Variants in STARD13 observed in about 807,000 individuals in gnomAD.
The protein encoded by STARD13 is StAR related lipid transfer domain containing 13.
A neutral mutation model predicts 106.4 loss-of-function variants in STARD13; 62 were observed. The ratio of observed to expected loss-of-function variants is 0.58; its 90% CI spans 0.48 to 0.72. STARD13 has a LOEUF of 0.72. STARD13 is among the 30% of genes least tolerant of loss of function. STARD13 has a pLI of 0.00. For missense variants in STARD13, 1,387 were observed against 1,424.0 expected, an observed-to-expected ratio of 0.97 and a Z score of 0.42; for synonymous variants, 565 against 553.0, an observed-to-expected ratio of 1.02 and a Z score of -0.31.
intron 3 of STARD13, among the ~76,000 whole-genome samples, chr13:33,156,576 AT>A (rs747161314): frequency 6.6e-6 from 1 of 152,174 alleles, no homozygotes; most frequent in Non-Finnish European, 1.5e-5. Context: ...TGTCTGGGTA[AT>A]TCCTACTACC....
chr13:33,259,943 C>T (rs560508661), intron 1 of STARD13, among the ~76,000 whole-genome samples: 2 of 147,584 alleles, frequency 1.4e-5, no homozygotes, highest in African/African-American at 2.5e-5. Context: ...TTGCAGTGAG[C>T]CGAGATCGTG....
At chr13:33,388,756 C>G in the STARD13 span, among the ~76,000 whole-genome samples, 1 of 152,156 alleles carries the variant, frequency 6.6e-6, no homozygotes, top group Non-Finnish European at 1.5e-5. Context: ...ACCAACGTTA[C>G]TCAGATTAGC....
the STARD13 span, among the ~76,000 whole-genome samples, chr13:33,528,261 T>TATATATATATATATGTATATAC: frequency 7.8e-6 from 1 of 128,282 alleles, no homozygotes; most frequent in African/African-American, 3.5e-5. Flanking sequence ...TATATACATA[T>TATATATATATATATGTATATAC]ATATATATAT....
the STARD13 span, among the ~76,000 whole-genome samples, chr13:33,596,249 G>T: frequency 7.2e-5 from 11 of 152,132 alleles, no homozygotes; most frequent in Non-Finnish European, 1.5e-4. Context: ...TATGATAGGC[G>T]AAACGCCCCA....
the STARD13 span, among the ~76,000 whole-genome samples, chr13:33,449,596 G>A: frequency 6.6e-6 from 1 of 152,038 alleles, no homozygotes; most frequent in African/African-American, 2.4e-5. Context: ...GATCTTTTGT[G>A]GTTTCATGAA....
At chr13:33,608,208 A>G in the STARD13 span, among the ~76,000 whole-genome samples, 3 of 152,204 alleles carry the variant, frequency 2.0e-5, no homozygotes, top group African/African-American at 7.2e-5. Flanking sequence ...TGCCCAGCCC[A>G]TGAAAACATT....
the STARD13 span, among the ~76,000 whole-genome samples, chr13:33,465,846 G>T: frequency 6.6e-6 from 1 of 152,078 alleles, no homozygotes; most frequent in Non-Finnish European, 1.5e-5. Context: ...ACATGCACTG[G>T]TATATTTCCT....
the STARD13 span, among the ~76,000 whole-genome samples, chr13:33,470,244 C>T: frequency 6.6e-6 from 1 of 152,226 alleles, no homozygotes; most frequent in East Asian, 1.9e-4. Context: ...TTTTTTATGG[C>T]TGCATAGTAT....
the STARD13 span, among the ~76,000 whole-genome samples, chr13:33,370,509 C>T: frequency 2.0e-5 from 3 of 152,088 alleles, no homozygotes; most frequent in African/African-American, 7.2e-5. Flanking sequence ...ATAATTTAAT[C>T]AGTATCCTGG....
intron 1 of STARD13, among the ~76,000 whole-genome samples, chr13:33,239,695 G>T (rs1263414192): frequency 6.6e-6 from 1 of 152,068 alleles, no homozygotes; most frequent in Non-Finnish European, 1.5e-5. Context: ...CTTCTTTGAA[G>T]AAATATCTAT....
chr13:33,276,604 C>T (rs1891449324), intron 1 of STARD13: 2 of 152,042 alleles, frequency 1.3e-5, no homozygotes, highest in Admixed American at 1.3e-4. Context: ...ATATGAAATG[C>T]TACTGTTCAC....
At chr13:33,173,835 T>G (rs1467219339) in intron 1 of STARD13, among the ~76,000 whole-genome samples, 1 of 152,134 alleles carries the variant, frequency 6.6e-6, no homozygotes, top group African/African-American at 2.4e-5. Flanking sequence ...TATACAGCAA[T>G]AGGAAGAGGA....
chr13:33,206,366 A>AACACAC (rs59306930), intron 1 of STARD13, among the ~76,000 whole-genome samples: 76 of 149,574 alleles, frequency 5.1e-4, no homozygotes, highest in Admixed American at 1.3e-3. Flanking sequence ...CCATGACTGA[A>AACACAC]ACACACACAC....
the STARD13 span, among the ~76,000 whole-genome samples, chr13:33,538,388 G>C: frequency 1.3e-5 from 2 of 152,140 alleles, no homozygotes; most frequent in Non-Finnish European, 2.9e-5. Flanking sequence ...AAAAATGCGA[G>C]TTCAGGGCCC....
the STARD13 span, among the ~76,000 whole-genome samples, chr13:33,493,337 G>GCT: frequency 6.6e-6 from 1 of 152,142 alleles, no homozygotes; most frequent in Non-Finnish European, 1.5e-5. Flanking sequence ...CAAAGTCCCA[G>GCT]AATGAACACA....
chr13:33,110,036 G>T lies in STARD13; in HGVS notation c.2884C>A (p.Pro962Thr), dbSNP rs772565124. The T allele has an allele frequency of 1.9e-6, 3 of 1,614,226 alleles. No homozygotes were observed. Among genetic ancestry groups the T allele is most frequent in the South Asian group, 1.1e-5 (1 of 91,086 alleles). ...ACGCGGTTCAGGACCACTGAGGGGG[G>T]TGCTTCCACCTCCACAGAAGCCTTC... is the stretch of plus-strand genomic sequence containing the variant. Reference protein sequence around the residue: ...LWKASVEVEAPPSVVLNRVLR... With the variant: ...LWKASVEVEATPSVVLNRVLR... Residue 962 changes from proline (P) to threonine (T), a missense_variant, in exon 12 of 14, where the codon CCC becomes ACC. Pro to Thr is a conservative substitution (Grantham distance 38, BLOSUM62 -1). Coordinates refer to ENST00000336934, the MANE Select transcript of STARD13 (RefSeq NM_178006.4).
the STARD13 span, among the ~76,000 whole-genome samples, chr13:33,448,642 A>G: frequency 6.6e-6 from 1 of 152,134 alleles, no homozygotes; most frequent in Non-Finnish European, 1.5e-5. Context: ...GCTGGAGTAC[A>G]GGGTAGTTCT....
At chr13:33,523,897 T>C in the STARD13 span, among the ~76,000 whole-genome samples, 1 of 152,078 alleles carries the variant, frequency 6.6e-6, no homozygotes, top group African/African-American at 2.4e-5. Flanking sequence ...TAAACATAGT[T>C]CAAGGAGATT....
chr13:33,215,128 G>T lies in STARD13; in HGVS notation c.170-47506C>A, dbSNP rs112041633. Reference sequence around the variant, plus strand: ...GAATAGAATGAGTACTTGGGGGGGGGGGTGGGGGGAAATAAGCACCTCTCA... The same window carrying T: ...GAATAGAATGAGTACTTGGGGGGGGTGGTGGGGGGAAATAAGCACCTCTCA... On this transcript the variant is annotated intron_variant, in intron 1 of 13. Transcript: ENST00000336934. Among the ~76,000 whole-genome samples, 872 of 116,952 alleles carry T rather than the reference G, an allele frequency of 7.5e-3. 12 individuals are homozygous for T. The highest frequency in any genetic ancestry group is 0.028 in the African/African-American group (779 of 27,888). The allele number at this position is 116,952 out of a possible 152,430, so 76.7% of individuals were successfully genotyped here. A position where few individuals can be genotyped will look rare whatever the true frequency, so the allele number is the denominator to read the frequency against.
Sources: allele counts gnomAD v4.1 joint callset (sites outside exome capture counted in the v4.1 genomes callset), GRCh38; gene constraint gnomAD v4.1.1; transcripts MANE v1.5; gene names NCBI Gene and HGNC (gene_info 2026-07-23, HGNC 2026-07-21).